USP47: variants seen among roughly 807,000 people sequenced by gnomAD.
The protein encoded by USP47 is ubiquitin specific peptidase 47, also known as ubiquitin carboxyl-terminal hydrolase 47.
USP47 carries 35 observed loss-of-function variants against 165.1 expected under a neutral mutation model. The observed-to-expected ratio is 0.21, with a 90% CI of 0.16 to 0.28. The LOEUF is 0.28. Ranked by LOEUF, USP47 falls within the 10% of genes least tolerant of loss-of-function variation. The pLI, the probability that USP47 is intolerant of heterozygous loss-of-function variation, is 1.00. For missense variants in USP47, 1,277 were observed against 1,607.4 expected, an observed-to-expected ratio of 0.79 and a Z score of 3.52; for synonymous variants, 531 against 544.5, an observed-to-expected ratio of 0.98 and a Z score of 0.35.
intron 12 of USP47, 89 bp downstream of exon 12, chr11:11,929,654 A>G: frequency 1.3e-6 from 2 of 1,522,204 alleles, no homozygotes; most frequent in South Asian, 2.6e-5. Context: ...GAATGAGTGA[A>G]TCTGTCTAGT....
intron 22 of USP47, chr11:11,949,201 T>G (rs1022272553): frequency 1.3e-5 from 2 of 152,190 alleles, no homozygotes; most frequent in African/African-American, 4.8e-5. Flanking sequence ...AGGCCGTGTT[T>G]TTTAAGGGGT....
At chr11:11,952,663 A>G in intron 24 of USP47, 78 bp from the exon 25 acceptor site, 2 of 1,350,962 alleles carry the variant, frequency 1.5e-6, no homozygotes, top group Non-Finnish European at 1.9e-6. Context: ...CTTTTTGTTT[A>G]GTAAGGCACT....
intron 1 of USP47, among the ~76,000 whole-genome samples, chr11:11,854,400 G>C (rs1472072958): frequency 6.8e-6 from 1 of 147,016 alleles, no homozygotes; most frequent in Admixed American, 6.8e-5. Context: ...TAACCTGTCA[G>C]TACCTTAGTT....
intron 3 of USP47, among the ~76,000 whole-genome samples, chr11:11,889,867 A>G (rs1351059601): frequency 1.3e-5 from 2 of 152,144 alleles, no homozygotes; most frequent in Admixed American, 1.3e-4. Context: ...CACATAGACC[A>G]ATGGAACAGA....
intron 25 of USP47, among the ~76,000 whole-genome samples, chr11:11,954,343 C>T (rs980653738): frequency 6.6e-6 from 1 of 152,142 alleles, no homozygotes; most frequent in African/African-American, 2.4e-5. Context: ...GATCTTGGCT[C>T]ACTGCAGCCT....
intron 8 of USP47, among the ~76,000 whole-genome samples, chr11:11,917,500 T>C (rs951187810): frequency 6.6e-6 from 1 of 152,068 alleles, no homozygotes; most frequent in African/African-American, 2.4e-5. Flanking sequence ...TGTTACATGT[T>C]AGACAAAGTA....
intron 1 of USP47, among the ~76,000 whole-genome samples, chr11:11,876,848 C>G (rs1278569803): frequency 6.6e-6 from 1 of 152,082 alleles, no homozygotes; most frequent in Admixed American, 6.6e-5. Flanking sequence ...GTTACACACA[C>G]AGCGTGACTT....
intron 19 of USP47, among the ~76,000 whole-genome samples, chr11:11,941,646 C>T (rs1855480973): frequency 6.6e-6 from 1 of 151,990 alleles, no homozygotes; most frequent in Non-Finnish European, 1.5e-5. Context: ...ATTTGATAAA[C>T]TTCCTCAGGA....
intron 11 of USP47, among the ~76,000 whole-genome samples, chr11:11,926,707 T>TTTC (rs560008232): frequency 1.7e-3 from 259 of 151,992 alleles, no homozygotes; most frequent in Middle Eastern, 3.4e-3. Context: ...ATCTAGTTTT[T>TTTC]TTCTTCTTCT....
Position 11,892,060 on chromosome 11 carries a change from C to G in USP47, c.450C>G (p.Val150=). The change falls in exon 4 of 28, where the codon GTC becomes GTG. Residue 150 remains valine, a synonymous_variant. Transcript: ENST00000527733. ...EGSGGSTSDY[V]SQSYSYSSIL... is the part of the protein sequence containing the mutation. The stretch of plus-strand genomic sequence containing the variant: ...CTGGGGGTTCTACCAGTGATTATGT[C>G]AGCCAAAGCTACTCCTACTCATCTA... The G allele has an allele frequency of 1.2e-6, 2 of 1,613,844 alleles. No homozygotes were observed. The highest frequency in any genetic ancestry group is 1.7e-5 in the Admixed American group (1 of 59,980).
intron 2 of USP47, among the ~76,000 whole-genome samples, chr11:11,881,264 C>A (rs1850808393): frequency 6.6e-6 from 1 of 152,054 alleles, no homozygotes; most frequent in South Asian, 2.1e-4. Flanking sequence ...GCTTCTGACT[C>A]TTTAGGGTTA....
At chr11:11,940,636 C>A in intron 19 of USP47, 88 bp downstream of exon 19, 2 of 1,355,578 alleles carry the variant, frequency 1.5e-6, no homozygotes, top group Non-Finnish European at 2.0e-6. Context: ...GCCTCCACAG[C>A]TGTTCAACAT....
chr11:11,960,099 CT>C lies in USP47; in HGVS notation c.*3928del, dbSNP rs1847386059. 6.6e-6 allele frequency among the ~76,000 whole-genome samples: 1 copy of C among 152,148 alleles called. No homozygotes were observed. Among genetic ancestry groups the C allele is most frequent in the Non-Finnish European group, 1.5e-5 (1 of 68,026 alleles). On this transcript the variant is annotated 3_prime_UTR_variant, in exon 28 of 28. Transcript: ENST00000527733. Reference sequence around the variant, plus strand: ...TCAAGTGCTCAGTGCAATCCTGTGACTTTTAAGTCATTTTGCATTATTAAGA... The same window carrying C: ...TCAAGTGCTCAGTGCAATCCTGTGACTTTAAGTCATTTTGCATTATTAAGA...
At chr11:11,883,052 A>G (rs966410452) in intron 2 of USP47, among the ~76,000 whole-genome samples, 1 of 152,126 alleles carries the variant, frequency 6.6e-6, no homozygotes, top group African/African-American at 2.4e-5. Flanking sequence ...CAGAAAACTA[A>G]GCCCATTTAG....
chr11:11,904,958 A>G (rs1852456191), intron 7 of USP47, among the ~76,000 whole-genome samples: 1 of 152,228 alleles, frequency 6.6e-6, no homozygotes, highest in East Asian at 1.9e-4. Context: ...ATACATATGT[A>G]AGTTATAAAA....
chr11:11,880,455 A>G (rs967806993), intron 2 of USP47, 75 bp downstream of exon 2: 15 of 1,130,142 alleles, frequency 1.3e-5, no homozygotes, highest in African/African-American at 3.2e-5. Flanking sequence ...ATAATGTTAA[A>G]TCCTGGAACT....
At chr11:11,848,110 A>G (rs1248568225) in intron 1 of USP47, among the ~76,000 whole-genome samples, 3 of 152,234 alleles carry the variant, frequency 2.0e-5, no homozygotes, top group Admixed American at 1.3e-4. Flanking sequence ...TTGATTTTTT[A>G]AATTTAATTT....
At chr11:11,929,370 G>A in intron 11 of USP47, 64 bp from the exon 12 acceptor site, 2 of 1,573,162 alleles carry the variant, frequency 1.3e-6, no homozygotes, top group Non-Finnish European at 1.7e-6. Context: ...CAGAGAATAG[G>A]AAATACACAA....
chr11:11,867,360 T>TA (rs1241287527), intron 1 of USP47, among the ~76,000 whole-genome samples: 1 of 152,192 alleles, frequency 6.6e-6, no homozygotes, highest in African/African-American at 2.4e-5. Flanking sequence ...TCAGGATAGA[T>TA]ATTAGGTCTT....
Sources: gnomAD v4.1 joint callset for allele counts (sites outside exome capture counted in the v4.1 genomes callset) on GRCh38, gnomAD v4.1.1 for gene constraint, MANE v1.5 for transcripts, NCBI Gene and HGNC (gene_info 2026-07-23, HGNC 2026-07-21) for gene names.